NEO1: variants seen among roughly 807,000 people sequenced by gnomAD.
NEO1 encodes the protein neogenin 1, also known as neogenin.
NEO1 carries 63 observed loss-of-function variants against 159.7 expected under a neutral mutation model. That is an observed-to-expected ratio of 0.39 (90% CI 0.32 to 0.49). NEO1 has a LOEUF of 0.49. Ranked by LOEUF, NEO1 falls within the 20% of genes least tolerant of loss-of-function variation. The pLI is 0.85. For missense variants in NEO1, 1,615 were observed against 1,831.0 expected, an observed-to-expected ratio of 0.88 and a Z score of 2.15; for synonymous variants, 633 against 662.0, an observed-to-expected ratio of 0.96 and a Z score of 0.67.
At chr15:73,071,148 A>G (rs567064325) in intron 1 of NEO1, among the ~76,000 whole-genome samples, 2 of 152,142 alleles carry the variant, frequency 1.3e-5, no homozygotes, top group South Asian at 2.1e-4. Context: ...GAGTCTTGCT[A>G]TGTTGCCCAG....
At chr15:73,146,002 C>G (rs2032862730) in intron 5 of NEO1, among the ~76,000 whole-genome samples, 1 of 152,150 alleles carries the variant, frequency 6.6e-6, no homozygotes, top group African/African-American at 2.4e-5. Context: ...TTTGCTTGTA[C>G]TATCACTTCT....
intron 7 of NEO1, among the ~76,000 whole-genome samples, chr15:73,226,845 C>G (rs927926694): frequency 2.9e-4 from 44 of 151,940 alleles, no homozygotes; most frequent in African/African-American, 9.9e-4. Flanking sequence ...AAAGAAATTT[C>G]AAAACTATTT....
At position 73,249,139 on chromosome 15, in the gene NEO1, A is replaced by T; in HGVS notation, c.1686A>T (p.Pro562=). Residue 562 remains proline (P), a synonymous_variant, in exon 10 of 29, where the codon CCA becomes CCT. Transcript: ENST00000261908. The stretch of plus-strand genomic sequence containing the variant: ...CCATCACTGTTACGTGGGAAACACC[A>T]GTGTCTGGCAATGGGGAAATTCAGA... The part of the protein sequence containing the change: ...PTSITVTWET[P]VSGNGEIQNY... The T allele has an allele frequency of 1.2e-6, 2 of 1,614,104 alleles. No individual in the cohort carries two copies. The highest frequency in any genetic ancestry group is 1.7e-6 in the Non-Finnish European group (2 of 1,179,946).
chr15:73,205,227 CT>C (rs1467436463), intron 7 of NEO1, among the ~76,000 whole-genome samples: 3 of 152,198 alleles, frequency 2.0e-5, no homozygotes, highest in Admixed American at 6.5e-5. Flanking sequence ...TTTCTTCCCC[CT>C]GTTCCCTATT....
intron 7 of NEO1, among the ~76,000 whole-genome samples, chr15:73,223,726 C>A (rs965219756): frequency 6.6e-6 from 1 of 152,168 alleles, no homozygotes; most frequent in Non-Finnish European, 1.5e-5. Flanking sequence ...GAGTTCTTAT[C>A]CATTCCGCAG....
intron 7 of NEO1, among the ~76,000 whole-genome samples, chr15:73,203,343 C>T (rs1421219251): frequency 6.6e-6 from 1 of 152,044 alleles, no homozygotes; most frequent in African/African-American, 2.4e-5. Flanking sequence ...TTTACTTTTA[C>T]TCTGAATCTT....
At chr15:73,122,470 A>G in intron 2 of NEO1, 55 bp from the exon 3 acceptor site, 1 of 1,534,626 alleles carries the variant, frequency 6.5e-7, no homozygotes, top group Middle Eastern at 2.2e-4. Flanking sequence ...CCCAAGACAA[A>G]ATTTTAAAGT....
At chr15:73,104,036 T>C (rs1278336023) in intron 1 of NEO1, among the ~76,000 whole-genome samples, 1 of 152,062 alleles carries the variant, frequency 6.6e-6, no homozygotes, top group Non-Finnish European at 1.5e-5. Context: ...TTTAAATGTA[T>C]TTTTTGTAGA....
At chr15:73,078,655 C>G (rs1382739180) in intron 1 of NEO1, among the ~76,000 whole-genome samples, 2 of 152,166 alleles carry the variant, frequency 1.3e-5, no homozygotes, top group African/African-American at 2.4e-5. Flanking sequence ...AGTAGATGCT[C>G]TATGTTTCTA....
At chr15:73,283,229 T>G (rs1030951303) in intron 23 of NEO1, 118 bp downstream of exon 23, 3 of 1,212,614 alleles carry the variant, frequency 2.5e-6, no homozygotes, top group Admixed American at 2.3e-5. Flanking sequence ...AAAAGGAATT[T>G]AAGATATTTT....
At chr15:73,138,995 A>C (rs1331877422) in intron 5 of NEO1, among the ~76,000 whole-genome samples, 2 of 152,152 alleles carry the variant, frequency 1.3e-5, no homozygotes, top group Admixed American at 1.3e-4. Flanking sequence ...AAAGGAAAAA[A>C]AGAAAAAGCA....
chr15:73,116,451 A>G, intron 1 of NEO1, 89 bp from the exon 2 acceptor site: 4 of 1,083,148 alleles, frequency 3.7e-6, no homozygotes, highest in Non-Finnish European at 5.1e-6. Flanking sequence ...ACAACAGTTA[A>G]TAATTTTTGG....
chr15:73,299,486 C>T (rs886712045), intron 27 of NEO1, among the ~76,000 whole-genome samples: 2 of 151,858 alleles, frequency 1.3e-5, no homozygotes, highest in East Asian at 1.9e-4. Flanking sequence ...CCCGGGTTCA[C>T]GCCATTCTCC....
At chr15:73,091,554 A>ATTGT (rs202241571) in intron 1 of NEO1, among the ~76,000 whole-genome samples, 1,753 of 151,550 alleles carry the variant, frequency 0.012, 16 homozygotes, top group South Asian at 0.017. Flanking sequence ...TGTTGTTGTT[A>ATTGT]TTGTTTGTTT....
chr15:73,062,416 A>G (rs1272659056), intron 1 of NEO1, among the ~76,000 whole-genome samples: 1 of 152,208 alleles, frequency 6.6e-6, no homozygotes, highest in Non-Finnish European at 1.5e-5. Context: ...GAATAATTTA[A>G]AACTTTATAA....
intron 5 of NEO1, among the ~76,000 whole-genome samples, chr15:73,158,208 CT>C (rs1047852394): frequency 0.31 from 25,373 of 82,288 alleles, 3,256 homozygotes; most frequent in Admixed American, 0.44. Flanking sequence ...GAGTGAGACT[CT>C]TTTTTTTTTT....
At chr15:73,087,436 G>T (rs984283873) in intron 1 of NEO1, among the ~76,000 whole-genome samples, 1 of 152,106 alleles carries the variant, frequency 6.6e-6, no homozygotes, top group Non-Finnish European at 1.5e-5. Context: ...TGCCATCTTT[G>T]TTCATGAGGA....
chr15:73,200,698 A>C lies in NEO1; in HGVS notation c.1291+22271A>C, dbSNP rs142852836. On this transcript the variant is annotated intron_variant, in intron 7 of 28. Transcript: ENST00000261908. ...TTTTTTTTTTTTTTTTTTTTGAGAC[A>C]GGGTCTCACTCTGTCACCCAGGCTG... 0.016 allele frequency among the ~76,000 whole-genome samples: 2,072 copies of C among 128,996 alleles called. 112 individuals carry two copies. The East Asian group carries it at 0.19, about 12-fold the overall frequency. 84.6% of individuals were successfully genotyped at this position (128,996 alleles called of 152,430 possible).
At chr15:73,148,119 GT>G (rs1469029614) in intron 5 of NEO1, among the ~76,000 whole-genome samples, 1 of 152,036 alleles carries the variant, frequency 6.6e-6, no homozygotes, top group East Asian at 1.9e-4. Context: ...CCTGGCAAAT[GT>G]TTTTCATGTA....
Sources: gnomAD v4.1 joint callset for allele counts (sites outside exome capture counted in the v4.1 genomes callset) on GRCh38, gnomAD v4.1.1 for gene constraint, MANE v1.5 for transcripts, NCBI Gene and HGNC (gene_info 2026-07-23, HGNC 2026-07-21) for gene names.